THSD7A: variants seen among roughly 807,000 people sequenced by gnomAD.
THSD7A encodes the protein thrombospondin type-1 domain-containing protein 7A.
THSD7A carries 96 observed loss-of-function variants against 231.3 expected under a neutral mutation model. The observed-to-expected ratio is 0.41, with a 90% CI of 0.35 to 0.49. The LOEUF is 0.49. THSD7A is among the 20% of genes least tolerant of loss of function. The pLI is 0.05. For synonymous variants in THSD7A, 940 were observed against 743.3 expected (o/e 1.26, Z -4.30); for missense variants, 2,290 against 2,070.2 (o/e 1.11, Z -2.06).
At chr7:11,480,119 A>G (rs1786362685) in intron 7 of THSD7A, among the ~76,000 whole-genome samples, 1 of 152,220 alleles carries the variant, frequency 6.6e-6, no homozygotes. Flanking sequence ...AAACATCTAT[A>G]ACTTTCCAGC....
chr7:11,546,202 G>GCGCGCGCGCGCGCGCACA (rs761841418), intron 4 of THSD7A, among the ~76,000 whole-genome samples: 1 of 129,374 alleles, frequency 7.7e-6, no homozygotes, highest in African/African-American at 2.9e-5. Context: ...GTGGGCGCGC[G>GCGCGCGCGCGCGCGCACA]CTCACACACA....
In THSD7A at chr7:11,719,844, C is replaced by T. The variant is rs189564090; in HGVS notation, c.191-82883G>A. Reference sequence around the variant, plus strand: ...TTAAGTCTACTAAAATAGCCCTGAACCCTATACATAAACCTAAAAAATAAT... The same window carrying T: ...TTAAGTCTACTAAAATAGCCCTGAATCCTATACATAAACCTAAAAAATAAT... On this transcript the variant is annotated intron_variant, in intron 1 of 27. Coordinates refer to ENST00000423059, the MANE Select transcript of THSD7A (RefSeq NM_015204.3). 1.8e-4 allele frequency among the ~76,000 whole-genome samples: 28 copies of T among 151,794 alleles called. No individual in the cohort carries two copies. The East Asian group carries it at 5.5e-3, about 30-fold the overall frequency.
chr7:11,796,039 T>TATAC, intron 1 of THSD7A, among the ~76,000 whole-genome samples: 1 of 25,836 alleles, frequency 3.9e-5, no homozygotes, highest in Admixed American at 3.5e-4. Context: ...TAGCCATATA[T>TATAC]ATATATATAT....
chr7:11,517,345 T>G (rs1255785992), intron 6 of THSD7A, among the ~76,000 whole-genome samples: 1 of 152,114 alleles, frequency 6.6e-6, no homozygotes, highest in Non-Finnish European at 1.5e-5. Flanking sequence ...CCCAAAGTGC[T>G]GGGATTACAG....
intron 1 of THSD7A, among the ~76,000 whole-genome samples, chr7:11,821,800 C>T (rs1784883712): frequency 6.6e-6 from 1 of 152,122 alleles, no homozygotes; most frequent in African/African-American, 2.4e-5. Context: ...TCTCCATCTG[C>T]CCTTATTTCA....
rs1453502938 is a variant in THSD7A, at chr7:11,740,996, T to C, written c.190+90761A>G. ...AAGAAAAGGTCTTTTATGTATTAAA[T>C]GGTGATCATATAAATTATTTTTCAA... On this transcript the variant is annotated intron_variant, in intron 1 of 27. Coordinates refer to ENST00000423059, the MANE Select transcript of THSD7A (RefSeq NM_015204.3). 2.0e-5 allele frequency among the ~76,000 whole-genome samples: 3 copies of C among 151,908 alleles called. No homozygotes were observed. In the East Asian group the frequency reaches 5.8e-4, roughly 30 times the overall value.
At chr7:11,678,065 G>A (rs1783711948) in intron 1 of THSD7A, among the ~76,000 whole-genome samples, 1 of 152,130 alleles carries the variant, frequency 6.6e-6, no homozygotes, top group Non-Finnish European at 1.5e-5. Flanking sequence ...AAACTACATG[G>A]AAACTGAACA....
At chr7:11,388,162 CTTTTTT>C (rs924375268) in intron 23 of THSD7A, among the ~76,000 whole-genome samples, 1 of 142,568 alleles carries the variant, frequency 7.0e-6, no homozygotes, top group Admixed American at 7.1e-5. Context: ...CTGAAATTTT[CTTTTTT>C]TTTTTGTTGT....
intron 1 of THSD7A, among the ~76,000 whole-genome samples, chr7:11,676,376 T>C (rs1783638529): frequency 6.6e-6 from 1 of 152,060 alleles, no homozygotes; most frequent in Non-Finnish European, 1.5e-5. Context: ...AGGATCACAA[T>C]TCCTCACCAG....
intron 13 of THSD7A, among the ~76,000 whole-genome samples, chr7:11,443,003 A>G (rs1784852916): frequency 6.6e-6 from 1 of 152,088 alleles, no homozygotes; most frequent in African/African-American, 2.4e-5. Flanking sequence ...CCTTTGGCCA[A>G]TTTCAATTAT....
chr7:11,566,857 A>G (rs1790350733), intron 4 of THSD7A, among the ~76,000 whole-genome samples: 2 of 151,468 alleles, frequency 1.3e-5, no homozygotes, highest in South Asian at 4.2e-4. Flanking sequence ...GAAAATCTCA[A>G]ATCTTGCTAG....
chr7:11,706,707 T>C (rs1780781538), intron 1 of THSD7A, among the ~76,000 whole-genome samples: 1 of 147,018 alleles, frequency 6.8e-6, no homozygotes, highest in African/African-American at 2.5e-5. Context: ...AATCATGGTA[T>C]ATCCACAAAC....
intron 1 of THSD7A, among the ~76,000 whole-genome samples, chr7:11,644,463 T>A (rs1584137268): frequency 6.6e-6 from 1 of 151,978 alleles, no homozygotes; most frequent in East Asian, 1.9e-4. Flanking sequence ...AGAGGAGAGT[T>A]GGTAGCTTCT....
At chr7:11,799,988 G>A (rs1562564662) in intron 1 of THSD7A, among the ~76,000 whole-genome samples, 1 of 152,176 alleles carries the variant, frequency 6.6e-6, no homozygotes, top group African/African-American at 2.4e-5. Flanking sequence ...AGGCTCTTCT[G>A]TTCTTTCTTT....
intron 4 of THSD7A, among the ~76,000 whole-genome samples, chr7:11,546,861 C>T (rs1471893132): frequency 6.6e-6 from 1 of 151,912 alleles, no homozygotes; most frequent in East Asian, 1.9e-4. Context: ...AGAAAAAAAA[C>T]AAACTGATCT....
intron 1 of THSD7A, among the ~76,000 whole-genome samples, chr7:11,670,050 T>C (rs541431713): frequency 1.8e-4 from 28 of 152,190 alleles, no homozygotes; most frequent in Admixed American, 9.2e-4. Context: ...ACAATATAAG[T>C]TGCAATGTGT....
chr7:11,829,061 A>C (rs1260573553), intron 1 of THSD7A, among the ~76,000 whole-genome samples: 1 of 152,030 alleles, frequency 6.6e-6, no homozygotes, highest in Non-Finnish European at 1.5e-5. Flanking sequence ...TCTCTAGCTT[A>C]CTTTATTGTA....
At chr7:11,451,980 T>TAG (rs376835501) in intron 11 of THSD7A, among the ~76,000 whole-genome samples, 87 of 152,106 alleles carry the variant, frequency 5.7e-4, no homozygotes, top group African/African-American at 2.0e-3. Flanking sequence ...AATGGGCACA[T>TAG]AGAAGTTCAT....
At chr7:11,715,680 C>T (rs991302951) in intron 1 of THSD7A, among the ~76,000 whole-genome samples, 6 of 151,278 alleles carry the variant, frequency 4.0e-5, no homozygotes, top group Non-Finnish European at 7.4e-5. Flanking sequence ...TAAGCTACAG[C>T]GTTATTTGAA....
Sources: allele counts gnomAD v4.1 joint callset (sites outside exome capture counted in the v4.1 genomes callset), GRCh38; gene constraint gnomAD v4.1.1; transcripts MANE v1.5; gene names NCBI Gene and HGNC (gene_info 2026-07-23, HGNC 2026-07-21).